DAB2IP: variants seen among roughly 807,000 people sequenced by gnomAD.
The protein encoded by DAB2IP is DAB2 interacting protein, also known as disabled homolog 2-interacting protein.
A neutral mutation model predicts 107.2 loss-of-function variants in DAB2IP; 28 were observed. That is an observed-to-expected ratio of 0.26 (90% CI 0.19 to 0.36). The LOEUF (loss-of-function observed/expected upper bound fraction) is 0.36, where lower values mean the gene tolerates loss of function less well. Ranked by LOEUF, DAB2IP falls within the 10% of genes least tolerant of loss-of-function variation. DAB2IP has a pLI of 1.00. For synonymous variants in DAB2IP, 755 were observed against 706.4 expected (o/e 1.07, Z -1.09); for missense variants, 1,400 against 1,644.7 (o/e 0.85, Z 2.57).
chr9:121,690,428 C>T (rs1179952300), intron 2 of DAB2IP, among the ~76,000 whole-genome samples: 1 of 152,136 alleles, frequency 6.6e-6, no homozygotes, highest in Non-Finnish European at 1.5e-5. Context: ...GTATCCAACT[C>T]CCCACCCCTT....
chr9:121,644,265 GGGAA>G (rs1832460683), intron 1 of DAB2IP, among the ~76,000 whole-genome samples: 1 of 151,440 alleles, frequency 6.6e-6, no homozygotes, highest in Admixed American at 6.6e-5. Flanking sequence ...GGAGAAAGGA[GGGAA>G]GGAAGGAAAG....
intron 1 of DAB2IP, among the ~76,000 whole-genome samples, chr9:121,602,922 A>G (rs1263221289): frequency 1.3e-5 from 2 of 152,134 alleles, no homozygotes; most frequent in East Asian, 3.9e-4. Context: ...GTTGCTCAGG[A>G]TGGTCTTGAT....
chr9:121,761,633 C>T (rs547869636), intron 6 of DAB2IP, among the ~76,000 whole-genome samples: 40 of 152,136 alleles, frequency 2.6e-4, no homozygotes, highest in Admixed American at 8.5e-4. Flanking sequence ...GGGCGGGGAC[C>T]TCCTCCCCAT....
chr9:121,760,496 G>T lies in DAB2IP; in HGVS notation c.1170+57G>T. 1 of 1,497,108 alleles carries T rather than the reference G, an allele frequency of 6.7e-7. No homozygotes were observed. Among genetic ancestry groups the T allele is most frequent in the Admixed American group, 2.1e-5 (1 of 47,418 alleles). The allele number at this position is 1,497,108 out of a possible 1,614,324, so 92.7% of individuals were successfully genotyped here. A position where few individuals can be genotyped will look rare whatever the true frequency, so the allele number is the denominator to read the frequency against. On this transcript the variant is annotated intron_variant, in intron 6 of 15. Coordinates refer to ENST00000408936, the Ensembl canonical transcript of DAB2IP. The surrounding 1 kb of genome is among the most constrained non-coding windows in gnomAD (Gnocchi z 5.9). ...GCTGGGCGGCAGCACTGGGTTACCT[G>T]CCCTTCCTCACATCCGTACATTTCA...
intron 1 of DAB2IP, among the ~76,000 whole-genome samples, chr9:121,602,105 T>A (rs1262201871): frequency 6.6e-6 from 1 of 152,118 alleles, no homozygotes; most frequent in Non-Finnish European, 1.5e-5. Flanking sequence ...AGCACTAAGG[T>A]ACTCTTAGGA....
rs1003116661 is a variant in DAB2IP at position 121,699,021 on chromosome 9, G to A, written c.229-304G>A. On this transcript the variant is annotated intron_variant, in intron 2 of 15. Coordinates refer to ENST00000408936, the Ensembl canonical transcript of DAB2IP. This position sits in a 1 kb window ranked among gnomAD's most constrained non-coding sequence, Gnocchi z 6.2. ...ACTCCCCCTCGCCCCGGCGCCCGGGGGGCTCGGGCAGCCTCGGCCGCGGTC... is the reference window on the plus strand; with the variant it reads ...ACTCCCCCTCGCCCCGGCGCCCGGGAGGCTCGGGCAGCCTCGGCCGCGGTC... Among the ~76,000 whole-genome samples the A allele has an allele frequency of 6.6e-6, 1 of 151,064 alleles. No homozygotes were observed. The highest frequency in any genetic ancestry group is 1.5e-5 in the Non-Finnish European group (1 of 67,668).
chr9:121,631,813 TAAAA>T (rs752400251), intron 1 of DAB2IP, among the ~76,000 whole-genome samples: 1 of 58,896 alleles, frequency 1.7e-5, no homozygotes, highest in Non-Finnish European at 3.1e-5. Flanking sequence ...AGACTCCGTC[TAAAA>T]AAAAAAAAAA....
chr9:121,588,511 C>A (rs1376958472), intron 1 of DAB2IP, among the ~76,000 whole-genome samples: 3 of 144,186 alleles, frequency 2.1e-5, no homozygotes, highest in African/African-American at 7.7e-5. Flanking sequence ...TGGCTCAACA[C>A]CTGTGGAAGG....
chr9:121,616,513 T>C (rs949669473), intron 1 of DAB2IP, among the ~76,000 whole-genome samples: 3 of 152,198 alleles, frequency 2.0e-5, no homozygotes, highest in African/African-American at 7.2e-5. Context: ...CTAGCGGCTC[T>C]GCTGGTGGTA....
At chr9:121,763,958 T>A in intron 8 of DAB2IP, 79 bp downstream of exon 8, 1 of 1,552,548 alleles carries the variant, frequency 6.4e-7, no homozygotes, top group Non-Finnish European at 8.8e-7. Context: ...GCAGTGTGCC[T>A]GATGCTGCCT....
At chr9:121,638,720 G>A (rs1010970955) in intron 1 of DAB2IP, among the ~76,000 whole-genome samples, 5 of 152,156 alleles carry the variant, frequency 3.3e-5, no homozygotes, top group Admixed American at 6.5e-5. Context: ...AGGAGGCAGC[G>A]GAGGATTTGG....
intron 1 of DAB2IP, among the ~76,000 whole-genome samples, chr9:121,621,118 G>C (rs1405528601): frequency 6.6e-6 from 1 of 151,986 alleles, no homozygotes; most frequent in South Asian, 2.1e-4. Context: ...AAGTCTGGTG[G>C]TTCCCCTTGG....
chr9:121,647,638 T>G (rs1348431532), upstream of DAB2IP, among the ~76,000 whole-genome samples: 1 of 152,114 alleles, frequency 6.6e-6, no homozygotes, highest in African/African-American at 2.4e-5. Flanking sequence ...GTGTCCCCAT[T>G]ATTCAAACTG....
intron 3 of DAB2IP, among the ~76,000 whole-genome samples, chr9:121,753,811 C>T (rs1351243828): frequency 6.6e-6 from 1 of 152,348 alleles, no homozygotes; most frequent in East Asian, 1.9e-4. Context: ...TGCCTGCTTC[C>T]CTCCTTTCAC....
chr9:121,688,223 G>T (rs1336443876), intron 2 of DAB2IP, among the ~76,000 whole-genome samples: 1 of 152,216 alleles, frequency 6.6e-6, no homozygotes, highest in African/African-American at 2.4e-5. Flanking sequence ...GTATTTTGGT[G>T]GGATTACAGA....
rs917078903 is a variant in DAB2IP at position 121,701,213 on chromosome 9, C to T, written c.362+1755C>T. 2.6e-5 allele frequency among the ~76,000 whole-genome samples: 4 copies of T among 152,180 alleles called. No individual in the cohort carries two copies. The highest frequency in any genetic ancestry group is 4.4e-5 in the Non-Finnish European group (3 of 68,036). The stretch of plus-strand genomic sequence containing the variant: ...GTGTGTCTGCTCTCCCGGGAGCAGG[C>T]GGCATGCATGTCATGTTTACCTCCT... On this transcript the variant is annotated intron_variant, in intron 3 of 15. Transcript: ENST00000408936. This position sits in a 1 kb window ranked among gnomAD's most constrained non-coding sequence, Gnocchi z 4.7.
intron 1 of DAB2IP, among the ~76,000 whole-genome samples, chr9:121,627,487 A>G (rs1831703026): frequency 6.6e-6 from 1 of 151,998 alleles, no homozygotes; most frequent in South Asian, 2.1e-4. Context: ...GTAGAAGGAG[A>G]ATCTATGAAT....
At chr9:121,749,474 G>C (rs1350117179) in intron 3 of DAB2IP, among the ~76,000 whole-genome samples, 5 of 152,234 alleles carry the variant, frequency 3.3e-5, no homozygotes, top group Admixed American at 3.3e-4. Context: ...GGTCCTGCCA[G>C]CCTTTGGGTG....
Position 121,633,229 on chromosome 9 carries a change from C to T in DAB2IP, c.41-45449C>T, listed in dbSNP as rs187376184. Among the ~76,000 whole-genome samples, 787 of 152,250 alleles carry T rather than the reference C, an allele frequency of 5.2e-3. 1 individual carries two copies. Among genetic ancestry groups the T allele is most frequent in the Admixed American group, 8.8e-3 (134 of 15,294 alleles). On this transcript the variant is annotated intron_variant, in intron 1 of 16. Transcript: ENST00000259371. This position sits in a 1 kb window ranked among gnomAD's most constrained non-coding sequence, Gnocchi z 5.1. ...GGTTTGACATGAACAATACAATAAACGCAGCTTCTAAATTGGGTCAGGGAA... is the reference window on the plus strand; with the variant it reads ...GGTTTGACATGAACAATACAATAAATGCAGCTTCTAAATTGGGTCAGGGAA...
Sources: gnomAD v4.1 joint callset for allele counts (sites outside exome capture counted in the v4.1 genomes callset) on GRCh38, gnomAD v4.1.1 for gene constraint, Gnocchi (gnomAD v3.1) non-coding constraint, MANE v1.5 for transcripts, NCBI Gene and HGNC (gene_info 2026-07-23, HGNC 2026-07-21) for gene names.